Variants in RAB38 observed in about 807,000 individuals in gnomAD.
RAB38 encodes RAB38, member RAS oncogene family, also known as ras-related protein Rab-38.
A neutral mutation model predicts 18.4 loss-of-function variants in RAB38; 15 were observed. The observed-to-expected ratio is 0.82, with a 90% CI of 0.55 to 1.26. The LOEUF is 1.26. RAB38 is among the 50% of genes most tolerant of loss of function. The pLI is 0.00. For missense variants in RAB38, 294 were observed against 267.4 expected (o/e 1.10, Z -0.69); for synonymous variants, 101 against 104.4 (o/e 0.97, Z 0.20).
At chr11:88,070,879 G>A in the RAB38 span, among the ~76,000 whole-genome samples, 2 of 152,224 alleles carry the variant, frequency 1.3e-5, no homozygotes, top group South Asian at 4.2e-4. Flanking sequence ...GGAGAAAGAG[G>A]ACACATGAAC....
the RAB38 span, among the ~76,000 whole-genome samples, chr11:87,967,901 C>A: frequency 2.0e-5 from 3 of 152,066 alleles, no homozygotes; most frequent in African/African-American, 7.2e-5. Context: ...GGATGGCATG[C>A]GGGAGGTGTT....
chr11:87,949,010 A>G, the RAB38 span, among the ~76,000 whole-genome samples: 1 of 152,038 alleles, frequency 6.6e-6, no homozygotes, highest in Non-Finnish European at 1.5e-5. Flanking sequence ...CTGTGAATCC[A>G]TCTGGTCCTG....
the RAB38 span, among the ~76,000 whole-genome samples, chr11:87,832,895 G>C: frequency 3.9e-5 from 6 of 151,976 alleles, no homozygotes; most frequent in Non-Finnish European, 4.4e-5. Flanking sequence ...ATCTCACAGT[G>C]GGGGGTGGGG....
At chr11:87,811,988 T>C in the RAB38 span, among the ~76,000 whole-genome samples, 2 of 152,194 alleles carry the variant, frequency 1.3e-5, no homozygotes, top group African/African-American at 4.8e-5. Context: ...TGAATACATT[T>C]TGTATCCTTG....
At chr11:88,030,670 T>C in the RAB38 span, among the ~76,000 whole-genome samples, 1 of 152,198 alleles carries the variant, frequency 6.6e-6, no homozygotes, top group Admixed American at 6.5e-5. Flanking sequence ...CTCCCAAGTC[T>C]AAACCAGGAA....
chr11:87,938,806 T>C, the RAB38 span, among the ~76,000 whole-genome samples: 4 of 151,994 alleles, frequency 2.6e-5, no homozygotes, highest in Admixed American at 2.0e-4. Context: ...ATTCACCACT[T>C]TGTAGCTCCT....
At chr11:87,973,649 T>A in the RAB38 span, among the ~76,000 whole-genome samples, 1 of 151,960 alleles carries the variant, frequency 6.6e-6, no homozygotes, top group Non-Finnish European at 1.5e-5. Context: ...TGGAGGGTAC[T>A]CAGAAGCCTC....
chr11:87,910,530 G>A, the RAB38 span, among the ~76,000 whole-genome samples: 8 of 149,866 alleles, frequency 5.3e-5, no homozygotes, highest in African/African-American at 1.7e-4. Context: ...AATAATATTT[G>A]TCTAACCCAA....
At chr11:87,950,929 G>T in the RAB38 span, among the ~76,000 whole-genome samples, 2 of 152,094 alleles carry the variant, frequency 1.3e-5, no homozygotes, top group Non-Finnish European at 2.9e-5. Flanking sequence ...CTGAATGTTG[G>T]CCTGCCTTGC....
At chr11:88,153,349 C>A (rs149315405) in intron 1 of RAB38, among the ~76,000 whole-genome samples, 11 of 152,230 alleles carry the variant, frequency 7.2e-5, no homozygotes, top group Non-Finnish European at 1.6e-4. Flanking sequence ...ACAAACATCA[C>A]AGCTAAAATG....
At chr11:88,073,131 T>G in the RAB38 span, among the ~76,000 whole-genome samples, 8 of 152,166 alleles carry the variant, frequency 5.3e-5, no homozygotes, top group African/African-American at 1.9e-4. Flanking sequence ...TTGTGTTTCT[T>G]GGCAAGATAC....
At chr11:87,917,279 G>A in the RAB38 span, among the ~76,000 whole-genome samples, 142 of 152,182 alleles carry the variant, frequency 9.3e-4, 1 homozygote, top group South Asian at 7.1e-3. Flanking sequence ...TATATGACTC[G>A]TAGAGAGATG....
the RAB38 span, among the ~76,000 whole-genome samples, chr11:87,957,630 G>A: frequency 6.6e-6 from 1 of 152,244 alleles, no homozygotes; most frequent in East Asian, 1.9e-4. Context: ...AGCATATGGG[G>A]CAGGAACTCT....
the RAB38 span, among the ~76,000 whole-genome samples, chr11:87,963,520 G>A: frequency 1.3e-5 from 2 of 152,036 alleles, no homozygotes; most frequent in East Asian, 3.9e-4. Flanking sequence ...AAAAGTCTAT[G>A]CAACATTTTA....
chr11:87,828,096 ACT>A, the RAB38 span, among the ~76,000 whole-genome samples: 3 of 152,096 alleles, frequency 2.0e-5, no homozygotes, highest in Non-Finnish European at 2.9e-5. Context: ...GTATATGGAA[ACT>A]CTGTGCTCTA....
At chr11:87,807,638 A>G in the RAB38 span, among the ~76,000 whole-genome samples, 1 of 152,240 alleles carries the variant, frequency 6.6e-6, no homozygotes, top group Non-Finnish European at 1.5e-5. Flanking sequence ...GAATATCATA[A>G]TGGTAGGTGG....
the RAB38 span, among the ~76,000 whole-genome samples, chr11:87,914,371 G>A: frequency 1.3e-5 from 2 of 152,088 alleles, no homozygotes; most frequent in African/African-American, 4.8e-5. Flanking sequence ...GCTGCCTTGT[G>A]TTCACGCTGT....
the RAB38 span, among the ~76,000 whole-genome samples, chr11:88,073,175 C>A: frequency 6.6e-6 from 1 of 152,160 alleles, no homozygotes; most frequent in Non-Finnish European, 1.5e-5. Flanking sequence ...TTGAAAGTGC[C>A]TGGAGAGAGA....
At chr11:87,902,732 C>T in the RAB38 span, among the ~76,000 whole-genome samples, 1,124 of 151,246 alleles carry the variant, frequency 7.4e-3, 12 homozygotes, top group African/African-American at 0.024. Flanking sequence ...TGTATCTATG[C>T]GTTTTGCTAA....
Sources: allele counts gnomAD v4.1 joint callset (sites outside exome capture counted in the v4.1 genomes callset), GRCh38; gene constraint gnomAD v4.1.1; transcripts MANE v1.5; gene names NCBI Gene and HGNC (gene_info 2026-07-23, HGNC 2026-07-21).